Variants in DYM observed in about 807,000 individuals in gnomAD.
The protein encoded by DYM is dymeclin.
In DYM, 78 loss-of-function variants were observed where a neutral mutation model predicts 93.1. That is an observed-to-expected ratio of 0.84 (90% CI 0.70 to 1.01). DYM has a LOEUF of 1.01. Among genes scored for constraint, DYM ranks in the 50% least tolerant of loss-of-function variants. The pLI, the probability that DYM is intolerant of heterozygous loss-of-function variation, is 0.00. For missense variants in DYM, 789 were observed against 845.0 expected, an observed-to-expected ratio of 0.93 and a Z score of 0.82; for synonymous variants, 321 against 319.7, an observed-to-expected ratio of 1.00 and a Z score of -0.04.
At chr18:49,273,929 G>T (rs2094778843) in intron 10 of DYM, among the ~76,000 whole-genome samples, 1 of 150,282 alleles carries the variant, frequency 6.7e-6, no homozygotes, top group Non-Finnish European at 1.5e-5. Flanking sequence ...TATATTCAAA[G>T]AAATAATAAT....
intron 8 of DYM, among the ~76,000 whole-genome samples, chr18:49,291,829 A>C (rs1041552848): frequency 6.6e-6 from 1 of 152,242 alleles, no homozygotes; most frequent in African/African-American, 2.4e-5. Flanking sequence ...AAGAAAATCA[A>C]AATTATTAAG....
chr18:49,291,540 C>T (rs865926814), intron 8 of DYM, among the ~76,000 whole-genome samples: 4 of 152,078 alleles, frequency 2.6e-5, no homozygotes, highest in African/African-American at 9.7e-5. Context: ...AAAGAGTATA[C>T]TGGGAACCTC....
At chr18:49,232,626 T>C (rs922980965) in intron 13 of DYM, among the ~76,000 whole-genome samples, 1 of 134,652 alleles carries the variant, frequency 7.4e-6, no homozygotes, top group Non-Finnish European at 1.6e-5. Flanking sequence ...TTTTTTTTTT[T>C]TGGAAACAGA....
chr18:49,321,953 TTC>T (rs1471903862), intron 8 of DYM, among the ~76,000 whole-genome samples: 1 of 152,130 alleles, frequency 6.6e-6, no homozygotes, highest in Non-Finnish European at 1.5e-5. Context: ...ACTGTAGTTT[TTC>T]TCTCTCAATG....
intron 15 of DYM, among the ~76,000 whole-genome samples, chr18:49,151,811 T>A (rs1384627017): frequency 6.6e-6 from 1 of 152,108 alleles, no homozygotes; most frequent in Admixed American, 6.5e-5. Context: ...TTGGGAACTA[T>A]GAACAGGCAG....
chr18:49,386,595 A>C (rs997855544), intron 3 of DYM, among the ~76,000 whole-genome samples: 1 of 152,230 alleles, frequency 6.6e-6, no homozygotes, highest in African/African-American at 2.4e-5. Context: ...ATCAAAAGGC[A>C]TAAAAAATGT....
At chr18:49,197,330 T>C (rs1268066285) in intron 14 of DYM, among the ~76,000 whole-genome samples, 5 of 151,680 alleles carry the variant, frequency 3.3e-5, no homozygotes, top group African/African-American at 1.2e-4. Flanking sequence ...TTCTAATGTT[T>C]AAAACCAAAA....
chr18:49,438,254 A>G (rs1262788264), intron 1 of DYM, among the ~76,000 whole-genome samples: 1 of 152,222 alleles, frequency 6.6e-6, no homozygotes, highest in East Asian at 1.9e-4. Flanking sequence ...GCCTACAAGC[A>G]TATCAGGAGA....
At chr18:49,182,008 T>C (rs1293683149) in intron 14 of DYM, among the ~76,000 whole-genome samples, 1 of 152,222 alleles carries the variant, frequency 6.6e-6, no homozygotes, top group African/African-American at 2.4e-5. Flanking sequence ...TGTTCCATTT[T>C]CATTTTCACT....
chr18:49,314,317 T>C (rs2061790107), intron 8 of DYM, among the ~76,000 whole-genome samples: 1 of 152,242 alleles, frequency 6.6e-6, no homozygotes, highest in Admixed American at 6.5e-5. Flanking sequence ...TGAGTAGCTG[T>C]AGGTCCTTCA....
chr18:49,096,662 G>C (rs998820011), intron 17 of DYM, among the ~76,000 whole-genome samples: 2 of 152,146 alleles, frequency 1.3e-5, no homozygotes, highest in Non-Finnish European at 2.9e-5. Context: ...TTTTTCTTAT[G>C]GGATAATTAG....
intron 8 of DYM, among the ~76,000 whole-genome samples, chr18:49,292,483 C>T (rs1222271020): frequency 1.3e-5 from 2 of 150,416 alleles, no homozygotes; most frequent in Non-Finnish European, 1.5e-5. Context: ...ACAGTTTAAA[C>T]TGGCCCATAA....
chr18:49,289,846 C>T (rs1003771517), intron 8 of DYM, among the ~76,000 whole-genome samples: 16 of 139,460 alleles, frequency 1.1e-4, no homozygotes, highest in African/African-American at 3.3e-4. Context: ...AAACGGACAA[C>T]GGAAGTCTAA....
rs1417772743 is a variant in DYM, at chr18:49,258,974, G to GA, written c.1252-482dup. ...CCCCAAAGAAAGAGGTAAAATGGGG[G>GA]AAAAAACAAAAAAAAAAACAAACCA... is the stretch of plus-strand genomic sequence containing the variant. On this transcript the variant is annotated intron_variant, in intron 11 of 17. Transcript: ENST00000675505. 5.6e-3 allele frequency among the ~76,000 whole-genome samples: 420 copies of GA among 74,402 alleles called. 9 individuals are homozygous for GA. Among genetic ancestry groups the GA allele is most frequent in the African/African-American group, 0.016 (368 of 23,264 alleles). 48.8% of individuals were successfully genotyped at this position (74,402 alleles called of 152,430 possible).
chr18:49,170,836 A>C (rs1007293907), intron 14 of DYM, among the ~76,000 whole-genome samples: 2 of 149,476 alleles, frequency 1.3e-5, no homozygotes, highest in Admixed American at 6.7e-5. Context: ...CAAGACCGAA[A>C]GGGTGAACAG....
intron 17 of DYM, among the ~76,000 whole-genome samples, chr18:49,071,323 C>T (rs1386688539): frequency 6.6e-6 from 1 of 152,164 alleles, no homozygotes; most frequent in African/African-American, 2.4e-5. Flanking sequence ...CTGTCTTTTG[C>T]AGTACACATG....
intron 11 of DYM, 151 bp downstream of exon 11, chr18:49,272,027 C>T (rs1464632356): frequency 4.2e-6 from 2 of 481,672 alleles, no homozygotes; most frequent in Non-Finnish European, 6.8e-6. Flanking sequence ...AAAAAAAGCA[C>T]CGCTTCATAA....
rs1034169728 is a variant in DYM at position 49,040,315 on chromosome 18, C to T, written c.*3740G>A. 6.6e-6 allele frequency among the ~76,000 whole-genome samples: 1 copy of T among 152,198 alleles called. No individual in the cohort carries two copies. The highest frequency in any genetic ancestry group is 1.5e-5 in the Non-Finnish European group (1 of 68,038). ...TGTGTCTGAGTAGCTGACATTTAGA[C>T]AGCCTTGTGAAGTTAGATTAGGGGT... On this transcript the variant is annotated 3_prime_UTR_variant, in exon 18 of 18. Coordinates refer to ENST00000675505, the MANE Select transcript of DYM (RefSeq NM_001353214.3).
At chr18:49,324,180 G>A (rs1052835015) in intron 8 of DYM, among the ~76,000 whole-genome samples, 95 of 134,730 alleles carry the variant, frequency 7.1e-4, no homozygotes, top group African/African-American at 1.5e-3. Context: ...TCTTTAACAC[G>A]GCAGGGTGAT....
Sources: gnomAD v4.1 joint callset for allele counts (sites outside exome capture counted in the v4.1 genomes callset) on GRCh38, gnomAD v4.1.1 for gene constraint, MANE v1.5 for transcripts, NCBI Gene and HGNC (gene_info 2026-07-23, HGNC 2026-07-21) for gene names.